SLC13A4: variants seen among roughly 807,000 people sequenced by gnomAD.
The protein encoded by SLC13A4 is Na(+)/sulfate cotransporter SUT-1.
SLC13A4 carries 28 observed loss-of-function variants against 72.7 expected under a neutral mutation model. That is an observed-to-expected ratio of 0.39 (90% CI 0.29 to 0.53). SLC13A4 has a LOEUF of 0.53. SLC13A4 is among the 20% of genes least tolerant of loss of function. The pLI, the probability that SLC13A4 is intolerant of heterozygous loss-of-function variation, is 0.78. For synonymous variants in SLC13A4, 312 were observed against 325.5 expected (o/e 0.96, Z 0.45); for missense variants, 653 against 788.0 (o/e 0.83, Z 2.05).
intron 14 of SLC13A4, 83 bp downstream of exon 14, chr7:135,685,439 A>T: frequency 8.1e-7 from 1 of 1,236,860 alleles, no homozygotes; most frequent in Non-Finnish European, 1.2e-6. Context: ...GCCTACAGCT[A>T]CGGAAGCTGC....
intron 10 of SLC13A4, chr7:135,693,042 A>G (rs1193772031): frequency 6.9e-6 from 1 of 144,200 alleles, no homozygotes; most frequent in Non-Finnish European, 1.5e-5. Context: ...TGGAGGTTTC[A>G]GCGAGCCAAG....
chr7:135,722,726 G>T (rs79487706), intron 1 of SLC13A4, among the ~76,000 whole-genome samples: 8 of 152,102 alleles, frequency 5.3e-5, no homozygotes, highest in African/African-American at 1.9e-4. Context: ...TGAAGAACTG[G>T]TTGACCATTT....
intron 2 of SLC13A4, among the ~76,000 whole-genome samples, chr7:135,714,810 G>A (rs906916165): frequency 1.3e-5 from 2 of 152,090 alleles, no homozygotes; most frequent in African/African-American, 2.4e-5. Context: ...CGACTCCGGC[G>A]GCACCAGGCG....
intron 2 of SLC13A4, among the ~76,000 whole-genome samples, chr7:135,718,809 T>A (rs1463805375): frequency 6.6e-6 from 1 of 152,182 alleles, no homozygotes; most frequent in Non-Finnish European, 1.5e-5. Flanking sequence ...CCAGCCTAGC[T>A]TCCCCCTGTG....
At chr7:135,705,547 C>T in intron 5 of SLC13A4, 49 bp downstream of exon 5, 2 of 1,574,202 alleles carry the variant, frequency 1.3e-6, no homozygotes, top group Non-Finnish European at 1.7e-6. Context: ...TTCTGACCTC[C>T]CCTATGGACT....
intron 2 of SLC13A4, among the ~76,000 whole-genome samples, chr7:135,714,298 A>G (rs1324441752): frequency 2.0e-5 from 3 of 152,172 alleles, no homozygotes; most frequent in Non-Finnish European, 4.4e-5. Flanking sequence ...ATGACTGGAG[A>G]CACTGATTCA....
intron 1 of SLC13A4, among the ~76,000 whole-genome samples, chr7:135,723,709 C>T (rs946847097): frequency 4.6e-5 from 7 of 152,270 alleles, no homozygotes; most frequent in Middle Eastern, 3.4e-3. Context: ...CAGTAAGGGG[C>T]AGCAGGAGTG....
intron 2 of SLC13A4, among the ~76,000 whole-genome samples, chr7:135,715,408 AGTGT>A (rs558861759): frequency 1.7e-5 from 2 of 120,076 alleles, no homozygotes; most frequent in Admixed American, 8.8e-5. Flanking sequence ...TGTGTGTATG[AGTGT>A]GTGTATGAGT....
chr7:135,681,797 C>A (rs1795508638), intron 15 of SLC13A4, 97 bp from the exon 16 acceptor site: 1 of 1,518,336 alleles, frequency 6.6e-7, no homozygotes, highest in Non-Finnish European at 8.9e-7. Context: ...GCCTTGTGGC[C>A]CAGATTAGTT....
chr7:135,720,014 CA>C (rs904032203), intron 2 of SLC13A4, among the ~76,000 whole-genome samples: 2 of 150,260 alleles, frequency 1.3e-5, no homozygotes, highest in Middle Eastern at 3.2e-3. Context: ...TAAAAGCAAA[CA>C]AAAAACTAGT....
Position 135,715,317 on chromosome 7 carries a change from A to G in SLC13A4, c.228+6078T>C, listed in dbSNP as rs200563558. 7.4e-5 allele frequency among the ~76,000 whole-genome samples: 8 copies of G among 107,948 alleles called. No homozygotes were observed. The South Asian group carries it at 9.4e-4, about 13-fold the overall frequency. 70.8% of individuals were successfully genotyped at this position (107,948 alleles called of 152,430 possible). A position where few individuals can be genotyped will look rare whatever the true frequency, so the allele number is the denominator to read the frequency against. On this transcript the variant is annotated intron_variant, in intron 2 of 15. Transcript: ENST00000682651. ...AGTGTACGTATATCTAAGCATGTGT[A>G]TGTGTGTGAGTAAGTGTATGTATAT...
chr7:135,714,811 G>C (rs2129495157), intron 2 of SLC13A4, among the ~76,000 whole-genome samples: 1 of 152,204 alleles, frequency 6.6e-6, no homozygotes, highest in East Asian at 1.9e-4. Flanking sequence ...GACTCCGGCG[G>C]CACCAGGCGG....
intron 1 of SLC13A4, among the ~76,000 whole-genome samples, chr7:135,726,599 C>G (rs961477337): frequency 1.3e-5 from 2 of 152,092 alleles, no homozygotes; most frequent in African/African-American, 4.8e-5. Context: ...AGGTGACCAC[C>G]AGGAGGGTGT....
chr7:135,692,476 C>A (rs1584719864), intron 10 of SLC13A4, 52 bp from the exon 11 acceptor site: 1 of 1,330,800 alleles, frequency 7.5e-7, no homozygotes. Flanking sequence ...TTTCTCCTAG[C>A]TTTTTCACTT....
intron 8 of SLC13A4, among the ~76,000 whole-genome samples, chr7:135,698,369 C>G (rs1205812796): frequency 9.7e-6 from 1 of 103,614 alleles, no homozygotes; most frequent in Non-Finnish European, 1.9e-5. Context: ...GAGTCTTGCT[C>G]TGTTGCCCAG....
intron 10 of SLC13A4, chr7:135,692,984 C>G (rs2129494108): frequency 6.6e-6 from 1 of 151,636 alleles, no homozygotes. Context: ...GCCTGTAGTC[C>G]CAGTTACTCG....
intron 1 of SLC13A4, among the ~76,000 whole-genome samples, chr7:135,726,387 AT>A (rs1796659251): frequency 6.6e-6 from 1 of 152,248 alleles, no homozygotes; most frequent in Non-Finnish European, 1.5e-5. Flanking sequence ...AACCATCCTA[AT>A]CCCCTCTGTT....
At chr7:135,705,410 T>C (rs1796135977) in intron 5 of SLC13A4, 186 bp downstream of exon 5, 1 of 530,564 alleles carries the variant, frequency 1.9e-6, no homozygotes, top group African/African-American at 2.3e-5. Flanking sequence ...CTCCAGGTCC[T>C]GACAGGTCAC....
At position 135,727,805 on chromosome 7, in the gene SLC13A4, A is replaced by C; in HGVS notation, c.-309T>G. On this transcript the variant is annotated 5_prime_UTR_variant, in exon 1 of 16. Transcript: ENST00000682651. ...TCTCGGCTTGATTAGTAATAGAGTA[A>C]CTTCATTCTAGGTGTCAGCAGAAAC... 1 of 326,598 alleles carries C rather than the reference A, an allele frequency of 3.1e-6. No individual in the cohort carries two copies. The highest frequency in any genetic ancestry group is 5.6e-6 in the Non-Finnish European group (1 of 180,136). 20.2% of individuals were successfully genotyped at this position (326,598 alleles called of 1,614,324 possible). A position where few individuals can be genotyped will look rare whatever the true frequency, so the allele number is the denominator to read the frequency against.
Sources: gnomAD v4.1 joint callset for allele counts (sites outside exome capture counted in the v4.1 genomes callset) on GRCh38, gnomAD v4.1.1 for gene constraint, MANE v1.5 for transcripts, NCBI Gene and HGNC (gene_info 2026-07-23, HGNC 2026-07-21) for gene names.